CLASP1: variants seen among roughly 807,000 people sequenced by gnomAD.
CLASP1 encodes the protein cytoplasmic linker associated protein 1, also known as CLIP-associating protein 1.
In CLASP1, 38 loss-of-function variants were observed where a neutral mutation model predicts 192.3. The ratio of observed to expected loss-of-function variants is 0.20; its 90% CI spans 0.15 to 0.26. The LOEUF (loss-of-function observed/expected upper bound fraction) is 0.26. Ranked by LOEUF, CLASP1 falls within the 10% of genes least tolerant of loss-of-function variation. CLASP1 has a pLI of 1.00. For synonymous variants in CLASP1, 691 were observed against 712.8 expected (o/e 0.97, Z 0.49); for missense variants, 1,433 against 1,932.5 (o/e 0.74, Z 4.85).
intron 26 of CLASP1, chr2:121,402,504 A>G (rs1357179592): frequency 2.1e-6 from 1 of 484,844 alleles, no homozygotes; most frequent in African/African-American, 2.0e-5. Flanking sequence ...CCTGTGAGAC[A>G]GCTCAGGAAA....
At chr2:121,440,794 GA>G (rs1178125302) in intron 19 of CLASP1, among the ~76,000 whole-genome samples, 7 of 141,250 alleles carry the variant, frequency 5.0e-5, no homozygotes, top group East Asian at 2.1e-4. Flanking sequence ...TGTGAAGGGA[GA>G]AAAAAAAGTC....
chr2:121,376,462 C>G (rs2070164907), intron 34 of CLASP1, among the ~76,000 whole-genome samples: 2 of 119,258 alleles, frequency 1.7e-5, no homozygotes, highest in Non-Finnish European at 1.6e-5. Context: ...TTTATGGGAA[C>G]TAGTAAGAGT....
intron 19 of CLASP1, among the ~76,000 whole-genome samples, chr2:121,436,173 A>T (rs1408959319): frequency 7.2e-5 from 11 of 151,980 alleles, no homozygotes; most frequent in Non-Finnish European, 1.5e-5. Context: ...CTGGGATTAC[A>T]GACATGTACC....
At chr2:121,355,550 T>C (rs2065233975) in intron 37 of CLASP1, among the ~76,000 whole-genome samples, 1 of 152,136 alleles carries the variant, frequency 6.6e-6, no homozygotes. Context: ...TTAGAGAAAG[T>C]TTCCCAAGAC....
At chr2:121,451,899 A>AT (rs1260102079) in intron 14 of CLASP1, 50 bp from the exon 15 acceptor site, 1 of 1,330,208 alleles carries the variant, frequency 7.5e-7, no homozygotes, top group African/African-American at 1.5e-5. Flanking sequence ...TTTTAGTGAA[A>AT]ATGAAAACGG....
At chr2:121,352,252 C>T (rs1323226634) in intron 37 of CLASP1, among the ~76,000 whole-genome samples, 4 of 152,248 alleles carry the variant, frequency 2.6e-5, no homozygotes, top group Non-Finnish European at 1.5e-5. Context: ...GCCGGCCTGC[C>T]CTGCCTCTGC....
intron 8 of CLASP1, among the ~76,000 whole-genome samples, chr2:121,478,771 C>A (rs902836782): frequency 1.1e-4 from 5 of 44,226 alleles, no homozygotes; most frequent in Non-Finnish European, 2.5e-4. Context: ...ACCACACACC[C>A]CACACACACA....
chr2:121,340,682 C>A, exon 40 of CLASP1: 1 of 588,314 alleles, frequency 1.7e-6, no homozygotes, highest in South Asian at 2.2e-5. Context: ...GCCTTGCTTC[C>A]TTTACATTCA....
intron 1 of CLASP1, among the ~76,000 whole-genome samples, chr2:121,612,908 C>A (rs1170041615): frequency 6.6e-6 from 1 of 152,166 alleles, no homozygotes. Flanking sequence ...AATTACCTTA[C>A]AGCAGTGTTG....
At chr2:121,361,265 C>T (rs2066350012) in intron 37 of CLASP1, among the ~76,000 whole-genome samples, 1 of 152,328 alleles carries the variant, frequency 6.6e-6, no homozygotes, top group South Asian at 2.1e-4. Flanking sequence ...GTGGAGGTTA[C>T]AGTGAGCACA....
chr2:121,623,041 T>A (rs917330222), intron 1 of CLASP1, among the ~76,000 whole-genome samples: 1 of 152,048 alleles, frequency 6.6e-6, no homozygotes, highest in East Asian at 1.9e-4. Flanking sequence ...CTGGGCAACA[T>A]AGTAAAACTC....
At chr2:121,599,975 A>G (rs2105858802) in intron 2 of CLASP1, among the ~76,000 whole-genome samples, 1 of 152,220 alleles carries the variant, frequency 6.6e-6, no homozygotes, top group Non-Finnish European at 1.5e-5. Flanking sequence ...TTTAATATAA[A>G]GCTAATCCCT....
chr2:121,354,129 T>G (rs992279579), intron 37 of CLASP1, among the ~76,000 whole-genome samples: 1 of 152,176 alleles, frequency 6.6e-6, no homozygotes, highest in African/African-American at 2.4e-5. Context: ...ATCTGGAGCA[T>G]GCCACATTGA....
At chr2:121,362,638 C>T (rs543617654) in intron 37 of CLASP1, among the ~76,000 whole-genome samples, 13 of 152,340 alleles carry the variant, frequency 8.5e-5, no homozygotes, top group African/African-American at 2.9e-4. Flanking sequence ...TGTTGGCAGG[C>T]GCTGGGCTGG....
intron 2 of CLASP1, among the ~76,000 whole-genome samples, chr2:121,565,788 C>G (rs1466479877): frequency 2.0e-5 from 3 of 152,242 alleles, no homozygotes; most frequent in Non-Finnish European, 4.4e-5. Flanking sequence ...TAGATGCTGA[C>G]AGCAATACTG....
chr2:121,577,853 G>A (rs1269941391), intron 2 of CLASP1, among the ~76,000 whole-genome samples: 2 of 152,052 alleles, frequency 1.3e-5, no homozygotes, highest in Non-Finnish European at 2.9e-5. Context: ...GACAGGAGAA[G>A]TGCTTGAGTC....
At chr2:121,506,488 A>T (rs1232380910) in intron 7 of CLASP1, among the ~76,000 whole-genome samples, 1 of 150,786 alleles carries the variant, frequency 6.6e-6, no homozygotes, top group Admixed American at 6.6e-5. Context: ...GACCAAAAAT[A>T]GGAAAAAAAA....
chr2:121,465,964 C>T (rs1411466432), intron 9 of CLASP1, among the ~76,000 whole-genome samples: 1 of 152,104 alleles, frequency 6.6e-6, no homozygotes. Flanking sequence ...AACTGGCTAG[C>T]CATATGTAGA....
At chr2:121,365,210 G>A (rs372875621) in exon 36 of CLASP1, 3 of 1,613,716 alleles carry the variant, frequency 1.9e-6, no homozygotes, top group Non-Finnish European at 2.5e-6. Context: ...GCTCCCTTCC[G>A]TTCCTCCACT....
Sources: gnomAD v4.1 joint callset for allele counts (sites outside exome capture counted in the v4.1 genomes callset) on GRCh38, gnomAD v4.1.1 for gene constraint, MANE v1.5 for transcripts, NCBI Gene and HGNC (gene_info 2026-07-23, HGNC 2026-07-21) for gene names.